The following DNAJC5B variants were observed in gnomAD, a reference collection of about 807,000 sequenced individuals.
The protein encoded by DNAJC5B is dnaJ homolog subfamily C member 5B.
Under a neutral mutation model 24.7 loss-of-function variants are expected in DNAJC5B, and 23 were observed. That is an observed-to-expected ratio of 0.93 (90% CI 0.67 to 1.32). DNAJC5B has a LOEUF of 1.32. DNAJC5B is among the 40% of genes most tolerant of loss of function. The pLI is 0.00. For synonymous variants in DNAJC5B, 101 were observed against 90.1 expected (o/e 1.12, Z -0.68); for missense variants, 238 against 240.8 (o/e 0.99, Z 0.08).
chr8:66,051,787 G>T (rs1806851292), intron 3 of DNAJC5B, 121 bp downstream of exon 3: 2 of 727,726 alleles, frequency 2.7e-6, no homozygotes, highest in Admixed American at 2.3e-5. Flanking sequence ...TAGATCCAAT[G>T]TTCCCTGCTC....
intron 1 of DNAJC5B, among the ~76,000 whole-genome samples, chr8:66,038,025 G>T (rs1019259249): frequency 1.1e-4 from 17 of 152,202 alleles, no homozygotes; most frequent in African/African-American, 3.1e-4. Context: ...CCGCTGCAGG[G>T]TCTACCTGGC....
intron 2 of DNAJC5B, 132 bp from the exon 3 acceptor site, chr8:66,051,399 C>T (rs1806841007): frequency 1.6e-6 from 1 of 635,056 alleles, no homozygotes; most frequent in Non-Finnish European, 2.8e-6. Flanking sequence ...CCCTTTTCTC[C>T]CCTCTTTTTG....
At chr8:66,077,207 T>C (rs62507397) in intron 4 of DNAJC5B, among the ~76,000 whole-genome samples, 6,410 of 152,322 alleles carry the variant, frequency 0.042, 189 homozygotes, top group South Asian at 0.065. Context: ...TAATAAATTA[T>C]TACGGGGCAA....
chr8:66,028,111 A>G (rs1307305236), intron 1 of DNAJC5B, among the ~76,000 whole-genome samples: 1 of 152,218 alleles, frequency 6.6e-6, no homozygotes, highest in African/African-American at 2.4e-5. Flanking sequence ...TGGAGTGTTC[A>G]GGTTGCTCAT....
At chr8:66,058,093 G>A (rs1807005651) in intron 3 of DNAJC5B, 1 of 152,218 alleles carries the variant, frequency 6.6e-6, no homozygotes, top group Non-Finnish European at 1.5e-5. Context: ...CTCCTAGCCT[G>A]TACTTTGTAT....
chr8:66,047,086 A>G (rs1455068970), intron 2 of DNAJC5B, among the ~76,000 whole-genome samples: 1 of 152,252 alleles, frequency 6.6e-6, no homozygotes, highest in East Asian at 1.9e-4. Context: ...CCATGTGACC[A>G]GTGCATTCTC....
rs1260317376 is a variant in DNAJC5B, at chr8:66,101,104, A to G, written c.*1073A>G. Among the ~76,000 whole-genome samples, 1 of 152,186 alleles carries G rather than the reference A, an allele frequency of 6.6e-6. No homozygotes were observed. Among genetic ancestry groups the G allele is most frequent in the African/African-American group, 2.4e-5 (1 of 41,442 alleles). ...AGATCTTGTTATGTTTTTATATAAT[A>G]TTGTATAAAATGCCTTTATCTTTTT... On this transcript the variant is annotated 3_prime_UTR_variant, in exon 6 of 6. Coordinates refer to ENST00000276570, the MANE Select transcript of DNAJC5B (RefSeq NM_033105.6).
At chr8:66,020,660 C>G (rs1806093781), upstream of DNAJC5B, among the ~76,000 whole-genome samples, 1 of 143,446 alleles carries the variant, frequency 7.0e-6, no homozygotes. Context: ...GTGTTTTAGA[C>G]AAGGTTTCAT....
intron 5 of DNAJC5B, among the ~76,000 whole-genome samples, chr8:66,096,366 G>A (rs1196679237): frequency 1.3e-5 from 2 of 152,100 alleles, no homozygotes; most frequent in African/African-American, 2.4e-5. Context: ...TTCAACATAC[G>A]AATTTTGGGG....
intron 1 of DNAJC5B, among the ~76,000 whole-genome samples, chr8:66,040,838 A>C (rs1806592187): frequency 6.6e-6 from 1 of 152,204 alleles, no homozygotes; most frequent in African/African-American, 2.4e-5. Flanking sequence ...TGTTTTATAC[A>C]TGTTTATAGA....
intron 2 of DNAJC5B, among the ~76,000 whole-genome samples, chr8:66,047,751 G>A (rs926977985): frequency 1.3e-5 from 2 of 152,318 alleles, no homozygotes; most frequent in Middle Eastern, 3.4e-3. Flanking sequence ...ATATAAAATA[G>A]GATTCCAGCC....
rs766674323 is a variant in DNAJC5B, at chr8:66,100,070, T to G, written c.*39T>G. 3.2e-6 allele frequency: 5 copies of G among 1,578,572 alleles called. No homozygotes were observed. Among genetic ancestry groups the G allele is most frequent in the Non-Finnish European group, 4.3e-6 (5 of 1,151,254 alleles). ...GAGAGTCCACAGTCCCTCCTCTCAG[T>G]TCAGTCTTGTCTCCAGATGGTCGTA... On this transcript the variant is annotated 3_prime_UTR_variant, in exon 6 of 6. Transcript: ENST00000276570.
chr8:66,049,793 T>G (rs1443558392), intron 2 of DNAJC5B, among the ~76,000 whole-genome samples: 4 of 152,178 alleles, frequency 2.6e-5, no homozygotes, highest in Non-Finnish European at 5.9e-5. Context: ...TCAAAGTGAG[T>G]GAGTCATAGA....
At chr8:66,077,379 G>A (rs1807491236) in intron 4 of DNAJC5B, among the ~76,000 whole-genome samples, 2 of 152,150 alleles carry the variant, frequency 1.3e-5, no homozygotes, top group East Asian at 1.9e-4. Context: ...GTGGAGGACA[G>A]GGAATTGGAG....
At chr8:66,044,064 C>G (rs966506145) in intron 2 of DNAJC5B, among the ~76,000 whole-genome samples, 1 of 152,130 alleles carries the variant, frequency 6.6e-6, no homozygotes, top group Admixed American at 6.5e-5. Context: ...CTCAGGTGAT[C>G]TACCCGCATT....
intron 2 of DNAJC5B, 47 bp downstream of exon 2, chr8:66,043,658 C>T (rs1368923562): frequency 6.6e-6 from 1 of 152,128 alleles, no homozygotes; most frequent in Non-Finnish European, 1.5e-5. Context: ...TTTCTTTGCA[C>T]ATCTATTTCC....
intron 1 of DNAJC5B, among the ~76,000 whole-genome samples, chr8:66,037,657 T>C (rs746079877): frequency 3.9e-5 from 6 of 152,178 alleles, no homozygotes; most frequent in South Asian, 2.1e-4. Flanking sequence ...AACCTTCCGA[T>C]GACACTCAGC....
intron 3 of DNAJC5B, among the ~76,000 whole-genome samples, chr8:66,070,752 G>C (rs1227246046): frequency 6.6e-6 from 1 of 151,888 alleles, no homozygotes; most frequent in Non-Finnish European, 1.5e-5. Context: ...AGACAATTCT[G>C]GGCAAAAAAG....
intron 5 of DNAJC5B, among the ~76,000 whole-genome samples, chr8:66,093,762 G>C (rs1807895106): frequency 6.6e-6 from 1 of 152,056 alleles, no homozygotes; most frequent in Admixed American, 6.6e-5. Flanking sequence ...TTTACGTTTA[G>C]TGATTTTTGT....
Sources: gnomAD v4.1 joint callset for allele counts (sites outside exome capture counted in the v4.1 genomes callset) on GRCh38, gnomAD v4.1.1 for gene constraint, MANE v1.5 for transcripts, NCBI Gene and HGNC (gene_info 2026-07-23, HGNC 2026-07-21) for gene names.